The following FIBCD1 variants were observed in gnomAD, a reference collection of about 807,000 sequenced individuals.
FIBCD1 encodes the protein fibrinogen C domain containing 1, also known as fibrinogen C domain-containing protein 1.
FIBCD1 carries 47 observed loss-of-function variants against 45.1 expected under a neutral mutation model. The observed-to-expected ratio is 1.04, with a 90% CI of 0.82 to 1.33. The LOEUF (loss-of-function observed/expected upper bound fraction) is 1.33, where lower values mean the gene tolerates loss of function less well. FIBCD1 is among the 40% of genes most tolerant of loss of function. FIBCD1 has a pLI of 0.00. For missense variants in FIBCD1, 653 were observed against 682.2 expected (o/e 0.96, Z 0.48); for synonymous variants, 313 against 308.1 (o/e 1.02, Z -0.17).
chr9:130,923,662 T>C, intron 4 of FIBCD1, 82 bp downstream of exon 4: 1 of 1,548,694 alleles, frequency 6.5e-7, no homozygotes. Context: ...GGTAGGAAGC[T>C]GCTCGGAATG....
At chr9:130,910,296 C>T (rs910336985) in intron 5 of FIBCD1, among the ~76,000 whole-genome samples, 2 of 152,204 alleles carry the variant, frequency 1.3e-5, no homozygotes, top group Non-Finnish European at 2.9e-5. Flanking sequence ...TACTGGGTCC[C>T]CCAGCAGTGC....
rs141420720 is a variant in FIBCD1, at chr9:130,924,346, G to C, written c.603C>G (p.Ser201Arg). ...GHMAHLVNSV[S>R]DILDALQRDR... ...CCCTCTGCAGGGCATCCAGGATGTC[G>C]CTGACGGAGTTCACCAGGTGAGCCA... The change falls in exon 3 of 7, where the codon AGC (serine) becomes AGG (arginine). Residue 201 changes from serine to arginine, a missense_variant. Coordinates refer to ENST00000372338, the MANE Select transcript of FIBCD1 (RefSeq NM_032843.5). The C allele has an allele frequency of 4.4e-6, 7 of 1,608,986 alleles. No individual in the cohort carries two copies. The highest frequency in any genetic ancestry group is 4.0e-5 in the African/African-American group (3 of 74,922).
intron 4 of FIBCD1, among the ~76,000 whole-genome samples, chr9:130,916,482 C>T (rs942292743): frequency 2.0e-5 from 3 of 152,244 alleles, no homozygotes; most frequent in Non-Finnish European, 2.9e-5. Context: ...GACAGCCCAA[C>T]GTGGCCTGAC....
At chr9:130,921,413 G>C (rs1003547041) in intron 4 of FIBCD1, among the ~76,000 whole-genome samples, 1 of 152,244 alleles carries the variant, frequency 6.6e-6, no homozygotes, top group Non-Finnish European at 1.5e-5. Context: ...GATTGCTTCT[G>C]ATGGAGGCCC....
chr9:130,930,736 C>T (rs1417110349), intron 1 of FIBCD1: 1 of 455,514 alleles, frequency 2.2e-6, no homozygotes, highest in Non-Finnish European at 4.4e-6. Context: ...CTCTAAGCTG[C>T]ATTTCCCACA....
At chr9:130,924,515 C>T in intron 2 of FIBCD1, 119 bp from the exon 3 acceptor site, 1 of 987,086 alleles carries the variant, frequency 1.0e-6, no homozygotes, top group South Asian at 1.8e-5. Flanking sequence ...GCTTCTGGCT[C>T]AAGGCCCCGC....
chr9:130,932,538 C>A (rs1278531059), intron 1 of FIBCD1, among the ~76,000 whole-genome samples: 1 of 152,226 alleles, frequency 6.6e-6, no homozygotes, highest in African/African-American at 2.4e-5. Context: ...CTTGGCCAGC[C>A]AGAAGCATCT....
rs373681710 is a variant in FIBCD1, at chr9:130,930,057, G to A, written c.73-11C>T. ...GCCGCAGCTCGGCCGCTGCAGGCCC[G>A]CCCGGGACGCACAGACACAGACAGA... On this transcript the variant is annotated splice_polypyrimidine_tract_variant and intron_variant, in intron 1 of 6. Transcript: ENST00000372338. The A allele has an allele frequency of 1.0e-3, 1,536 of 1,498,664 alleles. 5 individuals are homozygous for A. Among genetic ancestry groups the A allele is most frequent in the African/African-American group, 2.5e-3 (180 of 72,242 alleles). The allele number at this position is 1,498,664 out of a possible 1,614,324, so 92.8% of individuals were successfully genotyped here. A position where few individuals can be genotyped will look rare whatever the true frequency, so the allele number is the denominator to read the frequency against.
chr9:130,916,627 C>T (rs976476066), intron 4 of FIBCD1, among the ~76,000 whole-genome samples: 9 of 152,246 alleles, frequency 5.9e-5, no homozygotes, highest in Non-Finnish European at 8.8e-5. Context: ...ACAGCTTCAG[C>T]GACACTGGAC....
intron 4 of FIBCD1, among the ~76,000 whole-genome samples, chr9:130,918,251 TCTG>T (rs1832200130): frequency 6.6e-6 from 1 of 152,210 alleles, no homozygotes; most frequent in Admixed American, 6.5e-5. Context: ...AGTGAGTCCC[TCTG>T]CTGGGGCAGT....
At chr9:130,911,382 G>A (rs1369473769) in intron 5 of FIBCD1, among the ~76,000 whole-genome samples, 1 of 152,190 alleles carries the variant, frequency 6.6e-6, no homozygotes, top group Non-Finnish European at 1.5e-5. Context: ...CCACTCTTGG[G>A]AGTTCCATGC....
chr9:130,916,618 CAGCTTCA>C (rs1832165820), intron 4 of FIBCD1, among the ~76,000 whole-genome samples: 1 of 152,270 alleles, frequency 6.6e-6, no homozygotes, highest in Non-Finnish European at 1.5e-5. Context: ...TTCTGGCAAA[CAGCTTCA>C]GCGACACTGG....
chr9:130,909,866 C>G (rs3932416), intron 5 of FIBCD1, among the ~76,000 whole-genome samples: 58,964 of 152,140 alleles, frequency 0.39, 13,376 homozygotes, highest in African/African-American at 0.61. Context: ...CTACTTTGTG[C>G]CAGGCAGGGA....
At chr9:130,909,266 G>A (rs1462938161) in intron 5 of FIBCD1, among the ~76,000 whole-genome samples, 9 of 19,578 alleles carry the variant, frequency 4.6e-4, no homozygotes, top group African/African-American at 8.2e-4. Flanking sequence ...CGCCCCCTCC[G>A]CCGCCCCTCG....
At chr9:130,911,546 A>C (rs1832047927) in intron 5 of FIBCD1, among the ~76,000 whole-genome samples, 1 of 152,246 alleles carries the variant, frequency 6.6e-6, no homozygotes, top group African/African-American at 2.4e-5. Context: ...CTCCAAGGGC[A>C]TGTGGGACCC....
chr9:130,919,138 GC>G (rs1269228263), intron 4 of FIBCD1, among the ~76,000 whole-genome samples: 1 of 152,238 alleles, frequency 6.6e-6, no homozygotes, highest in African/African-American at 2.4e-5. Flanking sequence ...CGGGCGCGGG[GC>G]TGGGCCCTGC....
At chr9:130,916,964 G>A (rs1005202966) in intron 4 of FIBCD1, among the ~76,000 whole-genome samples, 2 of 152,192 alleles carry the variant, frequency 1.3e-5, no homozygotes, top group Non-Finnish European at 2.9e-5. Flanking sequence ...TGGGTGTGGT[G>A]GCAGGCGCCT....
At chr9:130,931,502 C>T (rs1002290553) in intron 1 of FIBCD1, among the ~76,000 whole-genome samples, 4 of 151,788 alleles carry the variant, frequency 2.6e-5, no homozygotes, top group African/African-American at 9.7e-5. Context: ...AGCTAGACTC[C>T]GTCTCAAAAA....
At chr9:130,925,731 C>T (rs1467566277) in intron 2 of FIBCD1, among the ~76,000 whole-genome samples, 1 of 152,180 alleles carries the variant, frequency 6.6e-6, no homozygotes, top group Admixed American at 6.5e-5. Context: ...TTGCCCCCAC[C>T]CTGGGCTTCA....
Sources: gnomAD v4.1 joint callset for allele counts (sites outside exome capture counted in the v4.1 genomes callset) on GRCh38, gnomAD v4.1.1 for gene constraint, MANE v1.5 for transcripts, NCBI Gene and HGNC (gene_info 2026-07-23, HGNC 2026-07-21) for gene names.